AGMO: variants seen among roughly 807,000 people sequenced by gnomAD.
AGMO encodes glyceryl-ether monooxygenase.
A neutral mutation model predicts 60.2 loss-of-function variants in AGMO; 75 were observed. That is an observed-to-expected ratio of 1.25 (90% confidence interval 1.03 to 1.51). The LOEUF (loss-of-function observed/expected upper bound fraction) is 1.51, where lower values mean the gene tolerates loss of function less well. Ranked by LOEUF, AGMO falls within the 40% of genes most tolerant of loss-of-function variation. The pLI is 0.00. For synonymous variants in AGMO, 261 were observed against 177.1 expected (o/e 1.47, Z -3.76); for missense variants, 763 against 525.5 (o/e 1.45, Z -4.42).
intron 12 of AGMO, among the ~76,000 whole-genome samples, chr7:15,295,214 C>G (rs4552799): frequency 6.6e-6 from 1 of 151,700 alleles, no homozygotes; most frequent in East Asian, 1.9e-4. Flanking sequence ...GTATACAGGC[C>G]TCATTCATAT....
At chr7:15,174,996 T>C in the AGMO span, among the ~76,000 whole-genome samples, 1 of 151,910 alleles carries the variant, frequency 6.6e-6, no homozygotes, top group African/African-American at 2.4e-5. Context: ...TTTTAAAGGA[T>C]ATATTTGCAA....
chr7:15,220,272 G>A (rs1437331349), intron 12 of AGMO, among the ~76,000 whole-genome samples: 2 of 142,588 alleles, frequency 1.4e-5, no homozygotes, highest in South Asian at 2.2e-4. Context: ...AGGCTGGAGT[G>A]CAGTGGCTTG....
chr7:15,274,541 G>A (rs936036746), intron 12 of AGMO, among the ~76,000 whole-genome samples: 2 of 151,874 alleles, frequency 1.3e-5, no homozygotes, highest in Non-Finnish European at 1.5e-5. Context: ...TTTATTTTGT[G>A]TTGTTGTGTC....
At chr7:15,509,744 G>A (rs565035309) in intron 3 of AGMO, among the ~76,000 whole-genome samples, 1 of 152,188 alleles carries the variant, frequency 6.6e-6, no homozygotes, top group East Asian at 1.9e-4. Context: ...ATTAAAAAAT[G>A]GGCAAAGGAC....
the AGMO span, among the ~76,000 whole-genome samples, chr7:15,190,573 T>C: frequency 6.6e-6 from 1 of 152,114 alleles, no homozygotes; most frequent in Admixed American, 6.6e-5. Flanking sequence ...TTTGTAAAAT[T>C]CTTCTAAGAT....
At chr7:15,392,082 T>C (rs545511131) in intron 6 of AGMO, among the ~76,000 whole-genome samples, 1 of 151,566 alleles carries the variant, frequency 6.6e-6, no homozygotes, top group East Asian at 1.9e-4. Context: ...ATTTAATTTT[T>C]TTTTTGAGAT....
chr7:15,280,242 T>C (rs548340927), intron 12 of AGMO, among the ~76,000 whole-genome samples: 1 of 152,296 alleles, frequency 6.6e-6, no homozygotes, highest in Non-Finnish European at 1.5e-5. Flanking sequence ...GAAACTTAGC[T>C]AGCTGCAGCT....
At chr7:15,147,113 C>A in the AGMO span, among the ~76,000 whole-genome samples, 1 of 152,038 alleles carries the variant, frequency 6.6e-6, no homozygotes, top group Non-Finnish European at 1.5e-5. Context: ...TCTCTGGGGT[C>A]CCTCCTCCTC....
intron 5 of AGMO, among the ~76,000 whole-genome samples, chr7:15,402,081 T>C (rs1784565187): frequency 6.6e-6 from 1 of 152,110 alleles, no homozygotes; most frequent in African/African-American, 2.4e-5. Flanking sequence ...TATGAAAATC[T>C]TTGTCATGTT....
chr7:15,441,999 A>C (rs577820417), intron 3 of AGMO, among the ~76,000 whole-genome samples: 10 of 152,060 alleles, frequency 6.6e-5, no homozygotes, highest in Non-Finnish European at 1.2e-4. Context: ...GGTGTCCTGA[A>C]ACCAACTTTA....
chr7:15,508,347 G>T (rs892404177), intron 3 of AGMO, among the ~76,000 whole-genome samples: 1 of 152,248 alleles, frequency 6.6e-6, no homozygotes. Flanking sequence ...CAGCTGCGAT[G>T]AATCATGGAT....
intron 3 of AGMO, among the ~76,000 whole-genome samples, chr7:15,492,276 T>G (rs540573909): frequency 1.3e-5 from 2 of 150,198 alleles, no homozygotes; most frequent in Non-Finnish European, 2.9e-5. Flanking sequence ...TTCCTGGAGT[T>G]AAGACTAAGT....
intron 3 of AGMO, among the ~76,000 whole-genome samples, chr7:15,449,460 C>T (rs1345928906): frequency 1.3e-5 from 2 of 152,150 alleles, no homozygotes; most frequent in African/African-American, 4.8e-5. Context: ...TATAACACCA[C>T]ATTTTGATCA....
At chr7:15,403,118 G>T (rs962115774) in intron 5 of AGMO, among the ~76,000 whole-genome samples, 1 of 151,538 alleles carries the variant, frequency 6.6e-6, no homozygotes, top group Non-Finnish European at 1.5e-5. Flanking sequence ...TTACTATTTC[G>T]CAGTAGAGAT....
the AGMO span, among the ~76,000 whole-genome samples, chr7:15,125,614 T>G: frequency 6.6e-6 from 1 of 152,062 alleles, no homozygotes; most frequent in African/African-American, 2.4e-5. Flanking sequence ...TGTCTTCTGT[T>G]TCTCTTCCAG....
intron 3 of AGMO, among the ~76,000 whole-genome samples, chr7:15,491,501 C>T (rs1258769112): frequency 2.0e-5 from 3 of 152,092 alleles, no homozygotes; most frequent in African/African-American, 7.2e-5. Flanking sequence ...ATGTGCCATA[C>T]CACAAAGTAA....
chr7:15,485,157 A>G (rs1019172894), intron 3 of AGMO, among the ~76,000 whole-genome samples: 7 of 150,768 alleles, frequency 4.6e-5, no homozygotes, highest in Non-Finnish European at 7.4e-5. Context: ...AAAAAAAAAA[A>G]AAAGAAAAAC....
chr7:15,365,380 T>TTAAAAAAAAAAAAAAAAAAAAAAAAAA (rs1311387207), intron 12 of AGMO, 134 bp downstream of exon 12: 1 of 210,488 alleles, frequency 4.8e-6, no homozygotes, highest in African/African-American at 5.8e-5. Context: ...TACTGGTAAG[T>TTAAAAAAAAAAAAAAAAAAAAAAAAAA]AAAAAAAAAA....
Position 15,532,719 on chromosome 7 carries a change from G to A in AGMO, c.409+12053C>T, listed in dbSNP as rs571327773. On this transcript the variant is annotated intron_variant, in intron 3 of 12. Coordinates refer to ENST00000342526, the MANE Select transcript of AGMO (RefSeq NM_001004320.2). ...TAAAACATCTTCCTAGGCTGGGTGC[G>A]GTGGTTCATGCCTATAATCTCAGCA... Among the ~76,000 whole-genome samples the A allele has an allele frequency of 2.7e-3, 34 of 12,696 alleles. No individual in the cohort carries two copies. In the East Asian group the frequency reaches 0.38, roughly 144 times the overall value. 8.3% of individuals were successfully genotyped at this position (12,696 alleles called of 152,430 possible). A position where few individuals can be genotyped will look rare whatever the true frequency, so the allele number is the denominator to read the frequency against.
Sources: gnomAD v4.1 joint callset for allele counts (sites outside exome capture counted in the v4.1 genomes callset) on GRCh38, gnomAD v4.1.1 for gene constraint, MANE v1.5 for transcripts, NCBI Gene and HGNC (gene_info 2026-07-23, HGNC 2026-07-21) for gene names.